PPP6R2: variants seen among roughly 807,000 people sequenced by gnomAD.
The protein encoded by PPP6R2 is protein phosphatase 6 regulatory subunit 2, also known as serine/threonine-protein phosphatase 6 regulatory subunit 2.
PPP6R2 carries 62 observed loss-of-function variants against 100.2 expected under a neutral mutation model. The observed-to-expected ratio is 0.62, with a 90% CI of 0.50 to 0.76. PPP6R2 has a LOEUF of 0.76. Among genes scored for constraint, PPP6R2 ranks in the 30% least tolerant of loss-of-function variants. The pLI is 0.00. For missense variants in PPP6R2, 1,142 were observed against 1,276.3 expected, an observed-to-expected ratio of 0.89 and a Z score of 1.60; for synonymous variants, 525 against 514.7, an observed-to-expected ratio of 1.02 and a Z score of -0.27.
intron 1 of PPP6R2, among the ~76,000 whole-genome samples, chr22:50,357,191 AT>A (rs1350930475): frequency 6.6e-6 from 1 of 152,070 alleles, no homozygotes; most frequent in Non-Finnish European, 1.5e-5. Context: ...ATTAATATCT[AT>A]TCATGCTTTT....
chr22:50,358,051 A>G (rs1052535378), intron 1 of PPP6R2, among the ~76,000 whole-genome samples: 2 of 151,756 alleles, frequency 1.3e-5, no homozygotes, highest in South Asian at 2.1e-4. Context: ...TTCGGAAGCA[A>G]TCCTCCCACC....
At chr22:50,399,682 A>G (rs1181100267) in intron 3 of PPP6R2, among the ~76,000 whole-genome samples, 1 of 152,278 alleles carries the variant, frequency 6.6e-6, no homozygotes, top group Non-Finnish European at 1.5e-5. Flanking sequence ...AATTAAAGCC[A>G]GGGGCTGCTC....
chr22:50,350,804 C>T (rs1254603022), intron 1 of PPP6R2, among the ~76,000 whole-genome samples: 1 of 149,562 alleles, frequency 6.7e-6, no homozygotes, highest in Non-Finnish European at 1.5e-5. Flanking sequence ...GAGATTGCCC[C>T]ACTGCACTCC....
chr22:50,432,534 A>G (rs940816833), intron 12 of PPP6R2, among the ~76,000 whole-genome samples: 9 of 152,012 alleles, frequency 5.9e-5, no homozygotes, highest in Non-Finnish European at 5.9e-5. Flanking sequence ...TGGGGAGGGG[A>G]CACAGGGAGC....
intron 3 of PPP6R2, among the ~76,000 whole-genome samples, chr22:50,398,493 T>TAA (rs573757857): frequency 2.9e-5 from 4 of 138,430 alleles, no homozygotes; most frequent in Non-Finnish European, 4.7e-5. Context: ...TTTCTTTATT[T>TAA]AAAAAAAAAA....
rs547941556 is a variant in PPP6R2 at position 50,358,393 on chromosome 22, C to T, written c.-147-13627C>T. Among the ~76,000 whole-genome samples the T allele has an allele frequency of 8.5e-5, 13 of 152,174 alleles. No homozygotes were observed. The South Asian group carries it at 2.1e-3, about 24-fold the overall frequency. Reference sequence around the variant, plus strand: ...ATTTTGTGTCTTAAGAAAATTTTGCCTGCACCAGGTTGTGTAGATGCTGCC... The same window carrying T: ...ATTTTGTGTCTTAAGAAAATTTTGCTTGCACCAGGTTGTGTAGATGCTGCC... On this transcript the variant is annotated intron_variant, in intron 1 of 23. Transcript: ENST00000612753.
intron 8 of PPP6R2, among the ~76,000 whole-genome samples, chr22:50,420,122 C>T (rs2061119779): frequency 6.6e-6 from 1 of 152,226 alleles, no homozygotes; most frequent in African/African-American, 2.4e-5. Flanking sequence ...CTGTGGACAG[C>T]GAGGGTGATG....
chr22:50,334,944 C>G, the PPP6R2 span, among the ~76,000 whole-genome samples: 354 of 152,014 alleles, frequency 2.3e-3, 1 homozygote, highest in South Asian at 6.0e-3. Context: ...GAGTGAGACT[C>G]TGTGTCAAAA....
intron 2 of PPP6R2, among the ~76,000 whole-genome samples, chr22:50,373,787 G>T (rs1481267472): frequency 6.6e-6 from 1 of 151,808 alleles, no homozygotes; most frequent in Non-Finnish European, 1.5e-5. Context: ...ATGCTGGAGT[G>T]CAATGGCATG....
intron 1 of PPP6R2, among the ~76,000 whole-genome samples, chr22:50,369,726 T>C (rs1192302677): frequency 4.6e-5 from 7 of 151,988 alleles, no homozygotes; most frequent in African/African-American, 1.4e-4. Context: ...AGGCTGGTCT[T>C]GAACTCCTGA....
chr22:50,437,480 T>TGCCAACC, intron 15 of PPP6R2, 26 bp from the exon 16 acceptor site: 1 of 728,388 alleles, frequency 1.4e-6, no homozygotes, highest in Non-Finnish European at 2.5e-6. Context: ...TGTCTGTCCG[T>TGCCAACC]CCCTCCCTCC....
chr22:50,419,767 C>G (rs886155652), intron 8 of PPP6R2, among the ~76,000 whole-genome samples: 1 of 152,186 alleles, frequency 6.6e-6, no homozygotes, highest in East Asian at 1.9e-4. Context: ...ACTGTTCCGA[C>G]AAGTCCCCAC....
chr22:50,428,172 G>A (rs2062540343), intron 10 of PPP6R2, among the ~76,000 whole-genome samples: 1 of 151,822 alleles, frequency 6.6e-6, no homozygotes, highest in African/African-American at 2.4e-5. Flanking sequence ...CTTTAAATAG[G>A]TCTTTAAATT....
chr22:50,427,801 G>A (rs1345097194), intron 10 of PPP6R2, among the ~76,000 whole-genome samples: 4 of 152,266 alleles, frequency 2.6e-5, no homozygotes, highest in Admixed American at 6.5e-5. Flanking sequence ...GCTCACTGCA[G>A]GCTCCGCCCC....
chr22:50,339,237 GGTGTGTGTT>G (rs1275361913), upstream of PPP6R2, among the ~76,000 whole-genome samples: 51 of 127,088 alleles, frequency 4.0e-4, 1 homozygote, highest in Admixed American at 2.0e-3. Flanking sequence ...GTGTGTTTAC[GGTGTGTGTT>G]GTGTGTGTTG....
At chr22:50,353,675 C>T (rs59374353) in intron 1 of PPP6R2, among the ~76,000 whole-genome samples, 1 of 151,898 alleles carries the variant, frequency 6.6e-6, no homozygotes. Flanking sequence ...ACATTACCTG[C>T]GAAGCACAAT....
In PPP6R2 at chr22:50,438,084, G is replaced by A. The variant is rs187087458; in HGVS notation, c.1840-90G>A. ...CTCCAGCCCGGGGCTCCCACATCCC[G>A]AACTAAGCCCCTCTGGGAGCTCTAT... On this transcript the variant is annotated intron_variant, in intron 17 of 23. Transcript: ENST00000612753. 7.4e-3 allele frequency: 11,411 copies of A among 1,537,676 alleles called. 54 individuals carry two copies. The highest frequency in any genetic ancestry group is 8.1e-3 in the Non-Finnish European group (9,247 of 1,139,124).
At chr22:50,403,931 G>A (rs553898203) in intron 3 of PPP6R2, among the ~76,000 whole-genome samples, 19 of 152,166 alleles carry the variant, frequency 1.2e-4, no homozygotes, top group African/African-American at 3.9e-4. Context: ...CCCTCCAGCC[G>A]GTCGCGTGGA....
rs149170853 is a variant in PPP6R2 at position 50,428,859 on chromosome 22, G to A, written c.1126-2314G>A. Among the ~76,000 whole-genome samples, 234 of 152,172 alleles carry A rather than the reference G, an allele frequency of 1.5e-3. 1 individual carries two copies. The highest frequency in any genetic ancestry group is 5.5e-3 in the African/African-American group (227 of 41,512). ...TGGCTGGGACTGCTAAGAGAAGACCGAATAGCAGTGGTGAGAGTGGGCATC... is the reference window on the plus strand; with the variant it reads ...TGGCTGGGACTGCTAAGAGAAGACCAAATAGCAGTGGTGAGAGTGGGCATC... On this transcript the variant is annotated intron_variant, in intron 10 of 23. Coordinates refer to ENST00000612753, the MANE Select transcript of PPP6R2 (RefSeq NM_001242898.2).
Sources: allele counts gnomAD v4.1 joint callset (sites outside exome capture counted in the v4.1 genomes callset), GRCh38; gene constraint gnomAD v4.1.1; transcripts MANE v1.5; gene names NCBI Gene and HGNC (gene_info 2026-07-23, HGNC 2026-07-21).